TOP6BL: variants seen among roughly 807,000 people sequenced by gnomAD.
TOP6BL encodes the protein type 2 DNA topoisomerase 6 subunit B-like.
the TOP6BL span, chr11:66,821,724 C>T: frequency 3.1e-6 from 5 of 1,613,406 alleles, no homozygotes; most frequent in Non-Finnish European, 4.2e-6. Context: ...ATCCAATTCA[C>T]TGTGGACAAG....
At chr11:66,788,887 A>G in the TOP6BL span, among the ~76,000 whole-genome samples, 1 of 152,160 alleles carries the variant, frequency 6.6e-6, no homozygotes, top group Non-Finnish European at 1.5e-5. Flanking sequence ...AGTAGCTGGT[A>G]GCTGGGACTA....
At chr11:66,762,278 G>C in the TOP6BL span, 1 of 479,324 alleles carries the variant, frequency 2.1e-6, no homozygotes, top group South Asian at 2.2e-5. Context: ...AGCCTGAAGG[G>C]CGGGCGCACA....
At chr11:66,751,494 A>G in the TOP6BL span, among the ~76,000 whole-genome samples, 1 of 146,618 alleles carries the variant, frequency 6.8e-6, no homozygotes, top group Non-Finnish European at 1.5e-5. Flanking sequence ...TGCCTGGCTG[A>G]CTAATTTTTT....
the TOP6BL span, chr11:66,759,046 C>A: frequency 6.4e-7 from 1 of 1,565,812 alleles, no homozygotes; most frequent in Non-Finnish European, 8.7e-7. Flanking sequence ...CTTACAGTTG[C>A]TTCTGCAGGA....
At chr11:66,782,696 C>T in the TOP6BL span, among the ~76,000 whole-genome samples, 7 of 152,120 alleles carry the variant, frequency 4.6e-5, no homozygotes, top group Non-Finnish European at 8.8e-5. Context: ...TGCCTGAAAA[C>T]AACTGTCTCA....
chr11:66,828,553 G>A, the TOP6BL span: 1 of 559,278 alleles, frequency 1.8e-6, no homozygotes, highest in Non-Finnish European at 3.2e-6. Context: ...TGGTTGCCTG[G>A]TGTCCAATGT....
the TOP6BL span, among the ~76,000 whole-genome samples, chr11:66,832,590 C>T: frequency 6.6e-6 from 1 of 152,200 alleles, no homozygotes; most frequent in Non-Finnish European, 1.5e-5. Context: ...GCAGTAAAGC[C>T]GTTAGTGCTC....
chr11:66,805,158 T>C, the TOP6BL span, among the ~76,000 whole-genome samples: 1 of 152,228 alleles, frequency 6.6e-6, no homozygotes, highest in African/African-American at 2.4e-5. Context: ...CACTTGAACC[T>C]GGGAGGTGGA....
chr11:66,759,060 CT>C, the TOP6BL span: 8 of 1,566,874 alleles, frequency 5.1e-6, no homozygotes, highest in Admixed American at 1.8e-5. Flanking sequence ...TGCAGGAAGC[CT>C]TTTTGGTGGC....
the TOP6BL span, chr11:66,813,918 G>A: frequency 6.2e-7 from 1 of 1,613,668 alleles, no homozygotes; most frequent in African/African-American, 1.3e-5. Context: ...CTTGGGAGCA[G>A]CCGATGACTA....
At chr11:66,831,686 CAT>C in the TOP6BL span, among the ~76,000 whole-genome samples, 1 of 152,138 alleles carries the variant, frequency 6.6e-6, no homozygotes, top group Non-Finnish European at 1.5e-5. Context: ...CAGGTATGCA[CAT>C]GTGTACTTAA....
the TOP6BL span, among the ~76,000 whole-genome samples, chr11:66,778,142 T>C: frequency 7.3e-5 from 11 of 151,642 alleles, no homozygotes; most frequent in African/African-American, 2.7e-4. Flanking sequence ...GCTCAAGTGA[T>C]TCTCCTGCCT....
chr11:66,803,981 C>G, the TOP6BL span: 1 of 1,575,426 alleles, frequency 6.3e-7, no homozygotes, highest in Non-Finnish European at 8.6e-7. Context: ...TTTGACTTGT[C>G]TGTTTTCTGA....
the TOP6BL span, among the ~76,000 whole-genome samples, chr11:66,833,039 CCTTT>C: frequency 4.2e-5 from 6 of 143,374 alleles, no homozygotes; most frequent in Admixed American, 2.1e-4. Context: ...AATCTTTCTG[CCTTT>C]TTTTTTTTTT....
chr11:66,842,284 C>G, the TOP6BL span, among the ~76,000 whole-genome samples: 1 of 152,250 alleles, frequency 6.6e-6, no homozygotes. Flanking sequence ...CTTCTCTATT[C>G]TAACCCTGGG....
chr11:66,817,181 A>G, the TOP6BL span, among the ~76,000 whole-genome samples: 10 of 152,076 alleles, frequency 6.6e-5, no homozygotes, highest in Non-Finnish European at 1.0e-4. Context: ...AAATAAAATA[A>G]AATCACTTCT....
At chr11:66,802,216 G>A in the TOP6BL span, among the ~76,000 whole-genome samples, 928 of 151,678 alleles carry the variant, frequency 6.1e-3, 6 homozygotes, top group Middle Eastern at 0.021. Context: ...CTGGAGTGCA[G>A]ATCTCACCTC....
the TOP6BL span, chr11:66,822,605 C>G: frequency 6.4e-7 from 1 of 1,553,152 alleles, no homozygotes; most frequent in Non-Finnish European, 8.7e-7. Flanking sequence ...TGGCTGTGAA[C>G]TCCATCATGA....
chr11:66,799,142 G>A, the TOP6BL span, among the ~76,000 whole-genome samples: 6 of 151,120 alleles, frequency 4.0e-5, no homozygotes. Context: ...GGGAAGTGGA[G>A]GTTGCAGTGA....
Sources: gnomAD v4.1 joint callset for allele counts (sites outside exome capture counted in the v4.1 genomes callset) on GRCh38, gnomAD v4.1.1 for gene constraint, MANE v1.5 for transcripts, NCBI Gene and HGNC (gene_info 2026-07-23, HGNC 2026-07-21) for gene names.